The following RIN3 variants were observed in gnomAD, a reference collection of about 807,000 sequenced individuals.
RIN3 encodes the protein RAB5 interacting protein 3.
In RIN3, 54 loss-of-function variants were observed where a neutral mutation model predicts 76.3. The ratio of observed to expected loss-of-function variants is 0.71; its 90% CI spans 0.57 to 0.89. The LOEUF (loss-of-function observed/expected upper bound fraction) is 0.89. Ranked by LOEUF, RIN3 falls within the 40% of genes least tolerant of loss-of-function variation. RIN3 has a pLI of 0.00. For synonymous variants in RIN3, 576 were observed against 564.0 expected (o/e 1.02, Z -0.30); for missense variants, 1,256 against 1,322.1 (o/e 0.95, Z 0.78).
intron 1 of RIN3, chr14:92,515,105 C>T: frequency 1.6e-6 from 1 of 611,094 alleles, no homozygotes; most frequent in South Asian, 1.9e-5. Flanking sequence ...TGGGAGGGGG[C>T]CTTAAGCTCA....
intron 1 of RIN3, among the ~76,000 whole-genome samples, chr14:92,538,798 C>T (rs888149016): frequency 3.3e-5 from 5 of 152,144 alleles, no homozygotes; most frequent in East Asian, 3.9e-4. Flanking sequence ...TCTGAGTAGG[C>T]GATATAGTCA....
At chr14:92,687,879 A>AGGAGAC (rs756800113) in intron 9 of RIN3, 47 bp from the exon 10 acceptor site, 2 of 1,465,222 alleles carry the variant, frequency 1.4e-6, no homozygotes, top group South Asian at 2.7e-5. Flanking sequence ...AGGGCGCCTG[A>AGGAGAC]GGAGACAGGG....
At chr14:92,669,533 C>T (rs567581377) in intron 7 of RIN3, among the ~76,000 whole-genome samples, 4 of 152,174 alleles carry the variant, frequency 2.6e-5, no homozygotes, top group South Asian at 2.1e-4. Flanking sequence ...TGGTGGAAAG[C>T]GAGGGCCAGG....
intron 1 of RIN3, 40 bp from the exon 2 acceptor site, chr14:92,555,711 C>A: frequency 6.2e-7 from 1 of 1,600,394 alleles, no homozygotes. Context: ...CTTCTCTGGG[C>A]TGGCTGCAGG....
chr14:92,559,536 G>C (rs931574259), intron 2 of RIN3, among the ~76,000 whole-genome samples: 1 of 152,250 alleles, frequency 6.6e-6, no homozygotes, highest in African/African-American at 2.4e-5. Flanking sequence ...TCCTCTCCGA[G>C]GGTCTGGTGG....
intron 7 of RIN3, among the ~76,000 whole-genome samples, chr14:92,660,776 T>C (rs1477131134): frequency 6.6e-6 from 1 of 152,190 alleles, no homozygotes. Flanking sequence ...GGGGAATCAG[T>C]GGGACTATTT....
intron 2 of RIN3, among the ~76,000 whole-genome samples, chr14:92,557,958 G>A (rs1897644499): frequency 6.6e-6 from 1 of 152,260 alleles, no homozygotes; most frequent in South Asian, 2.1e-4. Context: ...GGAATTACCA[G>A]ACAGTGGGGG....
intron 2 of RIN3, among the ~76,000 whole-genome samples, chr14:92,562,735 G>T (rs970853901): frequency 1.3e-5 from 2 of 152,014 alleles, no homozygotes; most frequent in Admixed American, 1.3e-4. Flanking sequence ...GATACTCCAT[G>T]CTCATCTTAT....
chr14:92,571,166 T>C (rs1246763359), intron 2 of RIN3, among the ~76,000 whole-genome samples: 2 of 152,230 alleles, frequency 1.3e-5, no homozygotes, highest in African/African-American at 4.8e-5. Context: ...TTTTTGTCCA[T>C]TACTTTCCTT....
In RIN3 at chr14:92,685,137, G is replaced by A. The variant is rs775561196; in HGVS notation, c.2618G>A (p.Arg873His). 84 of 1,611,082 alleles carry A rather than the reference G, an allele frequency of 5.2e-5. No homozygotes were observed. In the East Asian group the frequency reaches 1.5e-3, roughly 28 times the overall value. The change falls in exon 9 of 10, where the codon CGC (arginine) becomes CAC (histidine). Residue 873 changes from arginine to histidine, a missense_variant. Transcript: ENST00000216487. The surrounding 1 kb of genome is among the most constrained non-coding windows in gnomAD (Gnocchi z 4.7). Reference protein sequence around the residue: ...RRTLNKARASRSSVQDFICVS... With the variant: ...RRTLNKARASHSSVQDFICVS... ...ACTCTCAACAAGGCCCGGGCCTCCCGCTCCTCCGTACAGGTGAGGCCTGAG... is the reference window on the plus strand; with the variant it reads ...ACTCTCAACAAGGCCCGGGCCTCCCACTCCTCCGTACAGGTGAGGCCTGAG...
intron 1 of RIN3, among the ~76,000 whole-genome samples, chr14:92,533,078 A>G (rs1896920950): frequency 1.3e-5 from 2 of 152,116 alleles, no homozygotes; most frequent in Non-Finnish European, 1.5e-5. Context: ...TACTAACAAC[A>G]CTCAACATGC....
chr14:92,659,405 G>A lies in RIN3; in HGVS notation c.2271G>A (p.Lys757=). 3 of 1,613,656 alleles carry A rather than the reference G, an allele frequency of 1.9e-6. No individual in the cohort carries two copies. Among genetic ancestry groups the A allele is most frequent in the Non-Finnish European group, 2.5e-6 (3 of 1,179,744 alleles). ...TSMHKAYSPE[K]KISILLKTCK... ...TGCACAAGGCCTACTCACCTGAGAA[G>A]AAGATCTCCATCCTGCTCAAGACCT... The change falls in exon 7 of 10, where the codon AAG becomes AAA. Residue 757 remains lysine, a synonymous_variant. Coordinates refer to ENST00000216487, the MANE Select transcript of RIN3 (RefSeq NM_024832.5).
rs1458976420 is a variant in RIN3 at position 92,520,132 on chromosome 14, CATGTTTAAT to C, written c.44+6157_44+6165del. On this transcript the variant is annotated intron_variant, in intron 1 of 9. Transcript: ENST00000216487. Reference sequence around the variant, plus strand: ...AGGGGTGCCCCCACCTCAACCAGTACATGTTTAATGGAATGAACGAGCCTGCAATGAAAT... The same window carrying C: ...AGGGGTGCCCCCACCTCAACCAGTACGGAATGAACGAGCCTGCAATGAAAT... Among the ~76,000 whole-genome samples the C allele has an allele frequency of 7.2e-5, 11 of 152,374 alleles. No individual in the cohort carries two copies. In the East Asian group the frequency reaches 1.7e-3, roughly 24 times the overall value.
At chr14:92,617,594 A>G (rs1886018759) in intron 4 of RIN3, among the ~76,000 whole-genome samples, 1 of 152,216 alleles carries the variant, frequency 6.6e-6, no homozygotes, top group South Asian at 2.1e-4. Flanking sequence ...CCAACAGGGA[A>G]ACTATCACTA....
Position 92,651,856 on chromosome 14 carries a change from C to T in RIN3, c.807C>T (p.Thr269=), listed in dbSNP as rs760131529. Residue 269 remains threonine (T), a synonymous_variant, in exon 6 of 10, where the codon ACC becomes ACT. Transcript: ENST00000216487. ...ARPLPPTSDA[T]SPTSRWAPRR... The stretch of plus-strand genomic sequence containing the variant: ...CTTTGCCGCCCACCTCTGATGCCAC[C>T]TCACCCACCTCCAGGTGGGCCCCAC... The T allele has an allele frequency of 6.2e-6, 10 of 1,609,782 alleles. No individual in the cohort carries two copies. The Admixed American group carries it at 1.5e-4, about 24-fold the overall frequency.
intron 5 of RIN3, among the ~76,000 whole-genome samples, chr14:92,649,875 TG>T (rs1329308933): frequency 2.6e-5 from 4 of 152,150 alleles, no homozygotes; most frequent in Non-Finnish European, 5.9e-5. Flanking sequence ...AGGACAGGGC[TG>T]GGGGGTGCAC....
chr14:92,636,882 T>A (rs548723452), intron 4 of RIN3, among the ~76,000 whole-genome samples: 28 of 140,548 alleles, frequency 2.0e-4, no homozygotes, highest in Admixed American at 1.7e-3. Context: ...TGACCCTGTC[T>A]CTTCAAAAAA....
Position 92,555,866 on chromosome 14 carries a change from G to T in RIN3, c.160G>T (p.Glu54Ter). The change falls in exon 2 of 10, where the codon GAG becomes TAG. Residue 54 changes from glutamate (E) to a stop codon, truncating the protein, a stop_gained. Coordinates refer to ENST00000216487, the MANE Select transcript of RIN3 (RefSeq NM_024832.5). LOFTEE classifies it high-confidence loss of function. Reference protein sequence around the residue: ...LPHRRGISILEKLIKTCPVWL... With the variant: ...LPHRRGISIL Reference sequence around the variant, plus strand: ...TCACCGCCGGGGCATCAGCATCCTGGAGAAGCTCATCAAAACATGCCCGGT... The same window carrying T: ...TCACCGCCGGGGCATCAGCATCCTGTAGAAGCTCATCAAAACATGCCCGGT... 6.2e-7 allele frequency: 1 copy of T among 1,614,140 alleles called. No individual in the cohort carries two copies. The highest frequency in any genetic ancestry group is 8.5e-7 in the Non-Finnish European group (1 of 1,180,036).
chr14:92,521,586 C>T (rs563518154), intron 1 of RIN3, among the ~76,000 whole-genome samples: 23 of 152,246 alleles, frequency 1.5e-4, no homozygotes, highest in African/African-American at 4.6e-4. Context: ...CTGCCTTTCT[C>T]GCCATGTGAC....
Sources: gnomAD v4.1 joint callset for allele counts (sites outside exome capture counted in the v4.1 genomes callset) on GRCh38, gnomAD v4.1.1 for gene constraint, Gnocchi (gnomAD v3.1) non-coding constraint, MANE v1.5 for transcripts, NCBI Gene and HGNC (gene_info 2026-07-23, HGNC 2026-07-21) for gene names.